FAM13A: variants seen among roughly 807,000 people sequenced by gnomAD.
FAM13A encodes protein FAM13A.
In FAM13A, 76 loss-of-function variants were observed where a neutral mutation model predicts 129.6. The ratio of observed to expected loss-of-function variants is 0.59; its 90% CI spans 0.49 to 0.71. The LOEUF (loss-of-function observed/expected upper bound fraction) is 0.71. Among genes scored for constraint, FAM13A ranks in the 30% least tolerant of loss-of-function variants. FAM13A has a pLI of 0.00. For missense variants in FAM13A, 1,108 were observed against 1,249.3 expected (o/e 0.89, Z 1.70); for synonymous variants, 443 against 449.9 (o/e 0.98, Z 0.20).
intron 4 of FAM13A, among the ~76,000 whole-genome samples, chr4:88,956,227 C>G (rs547959504): frequency 6.6e-6 from 1 of 152,244 alleles, no homozygotes; most frequent in African/African-American, 2.4e-5. Flanking sequence ...GTAGGTGTAC[C>G]TTTTTAAAAT....
intron 4 of FAM13A, among the ~76,000 whole-genome samples, chr4:88,983,070 T>C (rs192812836): frequency 1.7e-3 from 261 of 152,270 alleles, no homozygotes; most frequent in Middle Eastern, 0.01. Flanking sequence ...GAGTGAATCC[T>C]GTGTTACAAC....
intron 7 of FAM13A, among the ~76,000 whole-genome samples, chr4:88,816,801 A>C (rs1201713712): frequency 6.6e-6 from 1 of 152,158 alleles, no homozygotes; most frequent in East Asian, 1.9e-4. Flanking sequence ...TGAACAAGTC[A>C]TTTTGTTTCC....
intron 5 of FAM13A, among the ~76,000 whole-genome samples, chr4:88,926,954 T>C (rs143130058): frequency 1.3e-5 from 2 of 152,240 alleles, no homozygotes; most frequent in East Asian, 3.9e-4. Flanking sequence ...GTCTGGGCTT[T>C]TAGTGTGTGT....
intron 1 of FAM13A, among the ~76,000 whole-genome samples, chr4:89,035,472 AAAG>A (rs1769264905): frequency 6.6e-6 from 1 of 151,788 alleles, no homozygotes; most frequent in Admixed American, 6.6e-5. Context: ...AAAGAAAAGA[AAAG>A]AAAGGAAGGA....
chr4:88,786,322 G>A (rs1723959100), intron 10 of FAM13A, among the ~76,000 whole-genome samples: 1 of 152,092 alleles, frequency 6.6e-6, no homozygotes, highest in Non-Finnish European at 1.5e-5. Context: ...GACACACTGA[G>A]GATATTTTTA....
At chr4:88,747,341 A>C (rs1741569668) in intron 18 of FAM13A, among the ~76,000 whole-genome samples, 1 of 152,186 alleles carries the variant, frequency 6.6e-6, no homozygotes. Context: ...CATGGTCCCA[A>C]AGGTTTGTCT....
chr4:88,768,590 GCA>G (rs1404353834), intron 11 of FAM13A, among the ~76,000 whole-genome samples: 1 of 151,896 alleles, frequency 6.6e-6, no homozygotes, highest in Non-Finnish European at 1.5e-5. Context: ...ACATATATAT[GCA>G]CACACACATA....
At chr4:88,874,801 A>C (rs1742087507) in intron 6 of FAM13A, among the ~76,000 whole-genome samples, 1 of 152,336 alleles carries the variant, frequency 6.6e-6, no homozygotes, top group South Asian at 2.1e-4. Context: ...TTTAAAGTTC[A>C]TATGGAACCA....
At chr4:88,770,746 AAGTT>A (rs1720518502) in intron 11 of FAM13A, among the ~76,000 whole-genome samples, 1 of 152,150 alleles carries the variant, frequency 6.6e-6, no homozygotes, top group Non-Finnish European at 1.5e-5. Context: ...CTACAGAATA[AAGTT>A]AGTTAGGTCA....
chr4:89,003,894 A>G (rs758654760), intron 3 of FAM13A, among the ~76,000 whole-genome samples: 1 of 151,224 alleles, frequency 6.6e-6, no homozygotes, highest in Non-Finnish European at 1.5e-5. Context: ...ATCAAATGGA[A>G]GCAAATACCA....
intron 13 of FAM13A, 168 bp from the exon 14 acceptor site, chr4:88,759,069 C>G: frequency 1.6e-6 from 1 of 620,516 alleles, no homozygotes. Context: ...TAGCTGGCCA[C>G]TTGCATGCAG....
intron 5 of FAM13A, among the ~76,000 whole-genome samples, chr4:88,913,254 AAGAGGAAGAAGT>A (rs1226899500): frequency 1.4e-5 from 2 of 139,508 alleles, no homozygotes; most frequent in Non-Finnish European, 3.1e-5. Context: ...GAGGAAGAAG[AAGAGGAAGAAGT>A]GGAGGAGGAA....
At chr4:88,898,405 G>C (rs1410187257) in intron 6 of FAM13A, among the ~76,000 whole-genome samples, 1 of 151,784 alleles carries the variant, frequency 6.6e-6, no homozygotes, top group African/African-American at 2.4e-5. Context: ...AAATATTTCA[G>C]TAAAAAAGAC....
chr4:88,979,246 G>A (rs140148590), intron 4 of FAM13A, among the ~76,000 whole-genome samples: 92 of 152,308 alleles, frequency 6.0e-4, no homozygotes, highest in African/African-American at 2.1e-3. Flanking sequence ...ACGTATTGCT[G>A]CTCACAGCAT....
At chr4:88,780,070 C>G (rs189759713) in intron 11 of FAM13A, among the ~76,000 whole-genome samples, 4 of 152,216 alleles carry the variant, frequency 2.6e-5, no homozygotes, top group Non-Finnish European at 5.9e-5. Context: ...TGATTCCAAA[C>G]TTTAAATTCT....
intron 7 of FAM13A, among the ~76,000 whole-genome samples, chr4:88,820,839 A>G (rs1013053734): frequency 6.6e-6 from 1 of 152,232 alleles, no homozygotes; most frequent in African/African-American, 2.4e-5. Context: ...AAAGTATGAG[A>G]AGCATTGAAC....
At chr4:88,798,123 G>C (rs1233555247) in intron 8 of FAM13A, among the ~76,000 whole-genome samples, 1 of 152,148 alleles carries the variant, frequency 6.6e-6, no homozygotes, top group African/African-American at 2.4e-5. Context: ...ATTTAGATTT[G>C]AAGAGCCAGT....
intron 4 of FAM13A, among the ~76,000 whole-genome samples, chr4:88,960,385 T>C (rs1193494249): frequency 6.6e-6 from 1 of 152,288 alleles, no homozygotes; most frequent in Admixed American, 6.5e-5. Context: ...TAACTGAAGA[T>C]ATGAGGAAAA....
intron 4 of FAM13A, among the ~76,000 whole-genome samples, chr4:88,976,524 C>T (rs1047912358): frequency 2.0e-5 from 3 of 152,046 alleles, no homozygotes; most frequent in Admixed American, 6.5e-5. Flanking sequence ...TGCCACATGA[C>T]ATTTTGTCAA....
Sources: allele counts gnomAD v4.1 joint callset (sites outside exome capture counted in the v4.1 genomes callset), GRCh38; gene constraint gnomAD v4.1.1; transcripts MANE v1.5; gene names NCBI Gene and HGNC (gene_info 2026-07-23, HGNC 2026-07-21).